The following ZNF207 variants were observed in gnomAD, a reference collection of about 807,000 sequenced individuals.
The protein encoded by ZNF207 is zinc finger protein 207, also known as BUB3-interacting and GLEBS motif-containing protein ZNF207.
ZNF207 carries 24 observed loss-of-function variants against 60.2 expected under a neutral mutation model. The observed-to-expected ratio is 0.40, with a 90% CI of 0.29 to 0.56. ZNF207 has a LOEUF of 0.56. ZNF207 is among the 20% of genes least tolerant of loss of function. The pLI is 0.49. For missense variants in ZNF207, 452 were observed against 636.6 expected, an observed-to-expected ratio of 0.71 and a Z score of 3.12; for synonymous variants, 236 against 194.7, an observed-to-expected ratio of 1.21 and a Z score of -1.77.
chr17:32,365,992 A>C (rs1327499036), intron 8 of ZNF207, among the ~76,000 whole-genome samples: 1 of 152,120 alleles, frequency 6.6e-6, no homozygotes, highest in Non-Finnish European at 1.5e-5. Context: ...GTCTTTTTTC[A>C]AAGCTTTTAA....
chr17:32,366,580 C>A, intron 8 of ZNF207, 85 bp from the exon 9 acceptor site: 2 of 1,058,134 alleles, frequency 1.9e-6, no homozygotes, highest in Non-Finnish European at 2.6e-6. Flanking sequence ...TACAAATATG[C>A]AATCTACTAA....
intron 2 of ZNF207, among the ~76,000 whole-genome samples, chr17:32,357,257 A>G (rs965201230): frequency 1.3e-5 from 2 of 150,312 alleles, no homozygotes; most frequent in Non-Finnish European, 3.0e-5. Context: ...TAACTTTTCT[A>G]GTTTGTAACC....
chr17:32,366,556 T>C (rs1905171171), intron 8 of ZNF207, 109 bp from the exon 9 acceptor site: 4 of 748,558 alleles, frequency 5.3e-6, no homozygotes, highest in Admixed American at 7.2e-5. Context: ...TTTGATTGCA[T>C]TAAATTTTGC....
rs1429773783 is a variant in ZNF207 at position 32,370,475 on chromosome 17, C to G, written c.*716C>G. ...GTTTTGATATATCATTGGATTCTGTCTTTGAGTTGTAGGTTATTTCTTAGC... is the reference window on the plus strand; with the variant it reads ...GTTTTGATATATCATTGGATTCTGTGTTTGAGTTGTAGGTTATTTCTTAGC... On this transcript the variant is annotated 3_prime_UTR_variant, in exon 12 of 12. Coordinates refer to ENST00000394670, the MANE Select transcript of ZNF207 (RefSeq NM_001098507.2). 1 of 152,288 alleles carries G rather than the reference C, an allele frequency of 6.6e-6. No homozygotes were observed. The highest frequency in any genetic ancestry group is 6.5e-5 in the Admixed American group (1 of 15,276). 9.4% of individuals were successfully genotyped at this position (152,288 alleles called of 1,614,324 possible).
chr17:32,359,866 C>A (rs1293840536), intron 3 of ZNF207, among the ~76,000 whole-genome samples: 1 of 152,022 alleles, frequency 6.6e-6, no homozygotes, highest in African/African-American at 2.4e-5. Flanking sequence ...CCAGTCTGGG[C>A]AACAGAGTGA....
rs4795698 is a variant in ZNF207 at position 32,376,081 on chromosome 17, G to A, written c.*6322G>A. ...AAATAAGCACTTGATGTATGGTCAT[G>A]TACATAATGGATATTCATTAATTTT... On this transcript the variant is annotated 3_prime_UTR_variant, in exon 12 of 12. Coordinates refer to ENST00000394670, the MANE Select transcript of ZNF207 (RefSeq NM_001098507.2). The A allele has an allele frequency of 6.6e-6, 1 of 151,876 alleles. No individual in the cohort carries two copies. Among genetic ancestry groups the A allele is most frequent in the Non-Finnish European group, 1.5e-5 (1 of 67,886 alleles). 9.4% of individuals were successfully genotyped at this position (151,876 alleles called of 1,614,324 possible).
chr17:32,366,584 C>G (rs1357471554), intron 8 of ZNF207, 81 bp from the exon 9 acceptor site: 3 of 1,123,078 alleles, frequency 2.7e-6, no homozygotes, highest in African/African-American at 3.2e-5. Context: ...AATATGCAAT[C>G]TACTAAAAAG....
intron 9 of ZNF207, among the ~76,000 whole-genome samples, chr17:32,367,282 T>TATATATATAAAA (rs1445385221): frequency 1.2e-3 from 102 of 82,802 alleles, no homozygotes; most frequent in Admixed American, 1.6e-3. Context: ...TATATATATA[T>TATATATATAAAA]ATAAAGAATA....
chr17:32,362,980 A>G lies in ZNF207; in HGVS notation c.666A>G (p.Pro222=), dbSNP rs1370937932. 6.2e-7 allele frequency: 1 copy of G among 1,612,762 alleles called. No individual in the cohort carries two copies. The part of the protein sequence containing the change: ...PGIPPLMPGM[P]PGMPPPVPRP... Reference sequence around the variant, plus strand: ...TACCACCTCTGATGCCTGGAATGCCACCAGGTATATGTTAGATAATTTCAT... The same window carrying G: ...TACCACCTCTGATGCCTGGAATGCCGCCAGGTATATGTTAGATAATTTCAT... Residue 222 remains proline (P), a synonymous_variant, in exon 7 of 12, where the codon CCA becomes CCG. Coordinates refer to ENST00000394670, the MANE Select transcript of ZNF207 (RefSeq NM_001098507.2).
Position 32,369,310 on chromosome 17 carries a change from C to A in ZNF207, c.1180C>A (p.Gln394Lys). The stretch of plus-strand genomic sequence containing the variant: ...TTATTCCCAGGAAGAGAGAAGGGCA[C>A]AGTTACCTAAGTATCAACGTAATCT... ...EDISLEERRA[Q>K]LPKYQRNLPR... The change falls in exon 11 of 12, where the codon CAG becomes AAG. Residue 394 changes from glutamine (Q) to lysine (K), a missense_variant. Physicochemically the swap from Gln to Lys is moderately conservative, Grantham distance 53. This residue lies in a region of ZNF207 where 390 missense variants were observed against 461.4 expected (regional missense o/e 0.85). Coordinates refer to ENST00000394670, the MANE Select transcript of ZNF207 (RefSeq NM_001098507.2). The A allele has an allele frequency of 6.2e-7, 1 of 1,613,972 alleles. No individual in the cohort carries two copies. Among genetic ancestry groups the A allele is most frequent in the South Asian group, 1.1e-5 (1 of 91,072 alleles).
chr17:32,368,056 A>C (rs1181746255), intron 10 of ZNF207, 42 bp downstream of exon 10: 5 of 1,608,192 alleles, frequency 3.1e-6, no homozygotes, highest in African/African-American at 1.3e-5. Flanking sequence ...TTTGATTTAA[A>C]GCCATTATAG....
intron 3 of ZNF207, among the ~76,000 whole-genome samples, chr17:32,360,209 G>C (rs1487503163): frequency 8.8e-6 from 1 of 114,166 alleles, no homozygotes; most frequent in Non-Finnish European, 1.8e-5. Context: ...AAAAAGCCCA[G>C]TGTGGTGGCA....
At chr17:32,365,010 T>C (rs1597785485) in intron 7 of ZNF207, among the ~76,000 whole-genome samples, 3 of 152,252 alleles carry the variant, frequency 2.0e-5, no homozygotes, top group Admixed American at 1.3e-4. Flanking sequence ...TATTTAAATA[T>C]CTGTCTTGTA....
rs1405292203 is a variant in ZNF207 at position 32,357,339 on chromosome 17, A to AT, written c.169-1162dup. On this transcript the variant is annotated intron_variant, in intron 2 of 11. Coordinates refer to ENST00000394670, the MANE Select transcript of ZNF207 (RefSeq NM_001098507.2). ...TATTATTATTATTATTATTATTATTATTATTATTATTATTTTTTTTTTTTT... is the reference window on the plus strand; with the variant it reads ...TATTATTATTATTATTATTATTATTATTTATTATTATTATTTTTTTTTTTTT... 1.9e-3 allele frequency among the ~76,000 whole-genome samples: 157 copies of AT among 81,874 alleles called. 5 individuals are homozygous for AT. Among genetic ancestry groups the AT allele is most frequent in the African/African-American group, 5.9e-3 (96 of 16,178 alleles). The allele number at this position is 81,874 out of a possible 152,430, so 53.7% of individuals were successfully genotyped here. A position where few individuals can be genotyped will look rare whatever the true frequency, so the allele number is the denominator to read the frequency against.
rs766809623 is a variant in ZNF207, at chr17:32,355,659, GT to G, written c.169-2843del. ...AGATGTCCTTTGTAAGGACTGTAGT[GT>G]GGTTGGAAATTAGGTGCTCTCTGCT... On this transcript the variant is annotated intron_variant, in intron 2 of 11. Transcript: ENST00000394670. Among the ~76,000 whole-genome samples, 15 of 152,298 alleles carry G rather than the reference GT, an allele frequency of 9.8e-5. No individual in the cohort carries two copies. In the East Asian group the frequency reaches 1.7e-3, roughly 18 times the overall value.
At chr17:32,352,681 A>C (rs182749931) in intron 2 of ZNF207, among the ~76,000 whole-genome samples, 36 of 152,226 alleles carry the variant, frequency 2.4e-4, no homozygotes, top group Middle Eastern at 3.4e-3. Context: ...CTTCTTTTGG[A>C]ATGGCAGCAT....
chr17:32,369,149 G>A (rs1029534073), intron 10 of ZNF207, 146 bp from the exon 11 acceptor site: 1 of 811,136 alleles, frequency 1.2e-6, no homozygotes, highest in African/African-American at 1.7e-5. Flanking sequence ...AGTTGGATTG[G>A]TTTGTCTGGC....
Position 32,369,632 on chromosome 17 carries a change from G to A in ZNF207, c.1358G>A (p.Gly453Glu). ...GGTGGTCATCATCAAGGCATGCCAG[G>A]ATACCTTCCTGGTGCTATGCCCCCG... ...QYGGHHQGMP[G>E]YLPGAMPPYG... Residue 453 changes from glycine to glutamate, a missense_variant, in exon 12 of 12, where the codon GGA becomes GAA. Transcript: ENST00000394670. 1 of 1,574,836 alleles carries A rather than the reference G, an allele frequency of 6.3e-7. No homozygotes were observed. Among genetic ancestry groups the A allele is most frequent in the East Asian group, 2.2e-5 (1 of 44,468 alleles).
chr17:32,351,616 A>G (rs2041509090), intron 1 of ZNF207, 170 bp from the exon 2 acceptor site: 1 of 1,541,350 alleles, frequency 6.5e-7, no homozygotes, highest in Non-Finnish European at 8.7e-7. Flanking sequence ...GAAAATACTG[A>G]AATAACATGG....
Sources: allele counts gnomAD v4.1 joint callset (sites outside exome capture counted in the v4.1 genomes callset), GRCh38; gene constraint gnomAD v4.1.1; regional missense constraint gnomAD v4.1.1; transcripts MANE v1.5; gene names NCBI Gene and HGNC (gene_info 2026-07-23, HGNC 2026-07-21).